Variants in UNC13C observed in about 807,000 individuals in gnomAD.
UNC13C encodes the protein protein unc-13 homolog C.
UNC13C carries 174 observed loss-of-function variants against 245.4 expected under a neutral mutation model. That is an observed-to-expected ratio of 0.71 (90% CI 0.63 to 0.80). UNC13C has a LOEUF of 0.80. Ranked by LOEUF, UNC13C falls within the 30% of genes least tolerant of loss-of-function variation. The pLI is 0.00. For synonymous variants in UNC13C, 992 were observed against 895.1 expected, an observed-to-expected ratio of 1.11 and a Z score of -1.93; for missense variants, 2,829 against 2,602.9, an observed-to-expected ratio of 1.09 and a Z score of -1.89.
At chr15:54,212,774 G>A (rs1160234233) in intron 4 of UNC13C, among the ~76,000 whole-genome samples, 2 of 152,060 alleles carry the variant, frequency 1.3e-5, no homozygotes, top group African/African-American at 4.8e-5. Context: ...AACATAGATG[G>A]ATATGTCCTC....
intron 19 of UNC13C, chr15:54,417,019 G>T: frequency 4.4e-6 from 2 of 455,404 alleles, no homozygotes; most frequent in South Asian, 1.6e-5. Flanking sequence ...TTCCCTCACC[G>T]CATTATCTGT....
At chr15:54,336,874 T>C (rs181227252) in intron 16 of UNC13C, among the ~76,000 whole-genome samples, 13 of 152,292 alleles carry the variant, frequency 8.5e-5, no homozygotes, top group Admixed American at 4.6e-4. Flanking sequence ...TGTGACCTTA[T>C]AGCAAATCAT....
chr15:54,256,620 G>T (rs1278816237), intron 8 of UNC13C, among the ~76,000 whole-genome samples: 1 of 152,078 alleles, frequency 6.6e-6, no homozygotes, highest in Non-Finnish European at 1.5e-5. Context: ...TCACCCCATA[G>T]TCACTTAGTA....
chr15:54,134,146 GGT>G, intron 2 of UNC13C, among the ~76,000 whole-genome samples: 1 of 150,534 alleles, frequency 6.6e-6, no homozygotes, highest in South Asian at 2.1e-4. Context: ...TAGTTGTCAT[GGT>G]GTGTATTAGA....
At chr15:54,473,735 G>T (rs1596445287) in intron 19 of UNC13C, among the ~76,000 whole-genome samples, 3 of 150,094 alleles carry the variant, frequency 2.0e-5, no homozygotes, top group African/African-American at 7.3e-5. Context: ...TCTTTTTTTA[G>T]TTTTTTTTTA....
chr15:54,557,597 C>CTA (rs1897141491), intron 29 of UNC13C, among the ~76,000 whole-genome samples: 1 of 151,596 alleles, frequency 6.6e-6, no homozygotes, highest in Admixed American at 6.6e-5. Flanking sequence ...CAAAGGAGCA[C>CTA]TATAATGCAA....
chr15:54,082,109 G>A (rs1455044808), intron 2 of UNC13C, among the ~76,000 whole-genome samples: 1 of 152,210 alleles, frequency 6.6e-6, no homozygotes, highest in African/African-American at 2.4e-5. Flanking sequence ...GCTAAAAGTA[G>A]GCCCCTAATT....
chr15:54,306,262 G>A (rs1264758235), intron 13 of UNC13C, among the ~76,000 whole-genome samples: 11 of 152,042 alleles, frequency 7.2e-5, no homozygotes, highest in Admixed American at 1.3e-4. Flanking sequence ...TGGAGCATGC[G>A]TCAGTAGGAG....
chr15:54,195,914 T>G (rs564199161), intron 4 of UNC13C, among the ~76,000 whole-genome samples: 12 of 152,226 alleles, frequency 7.9e-5, no homozygotes, highest in Non-Finnish European at 1.3e-4. Context: ...CCAGCTTACT[T>G]TACCACAACT....
chr15:54,234,920 A>G (rs2035649337), intron 4 of UNC13C, 110 bp from the exon 5 acceptor site: 7 of 907,074 alleles, frequency 7.7e-6, no homozygotes, highest in Middle Eastern at 4.5e-4. Flanking sequence ...TTTGAAAACT[A>G]TGGTATCCAG....
At chr15:54,471,294 C>G (rs1386689062) in intron 19 of UNC13C, among the ~76,000 whole-genome samples, 2 of 151,570 alleles carry the variant, frequency 1.3e-5, no homozygotes. Context: ...AAGTAGGATA[C>G]TGAAATTCCC....
chr15:54,534,998 A>T (rs1895927405), intron 26 of UNC13C, among the ~76,000 whole-genome samples: 1 of 152,166 alleles, frequency 6.6e-6, no homozygotes, highest in Non-Finnish European at 1.5e-5. Flanking sequence ...GTAACTACAC[A>T]ATCAAGTCTG....
chr15:54,258,504 C>T (rs2036339100), intron 8 of UNC13C, among the ~76,000 whole-genome samples: 1 of 152,084 alleles, frequency 6.6e-6, no homozygotes, highest in African/African-American at 2.4e-5. Context: ...GCTGGGACTA[C>T]AGATGTGCAC....
At position 54,333,871 on chromosome 15, in the gene UNC13C, T is replaced by C. The variant is rs1454275600; in HGVS notation, c.4584+15T>C. ...TTAGGATGAAGGTATCTCATTTTATTTCTGTCACTGTTTTGTTGTGACATA... is the reference window on the plus strand; with the variant it reads ...TTAGGATGAAGGTATCTCATTTTATCTCTGTCACTGTTTTGTTGTGACATA... On this transcript the variant is annotated intron_variant, in intron 16 of 32. Coordinates refer to ENST00000260323, the MANE Select transcript of UNC13C (RefSeq NM_001080534.3). The C allele has an allele frequency of 7.0e-6, 11 of 1,566,244 alleles. No homozygotes were observed. Among genetic ancestry groups the C allele is most frequent in the African/African-American group, 4.0e-5 (3 of 74,148 alleles).
chr15:54,262,422 C>T (rs1037085191), intron 8 of UNC13C, among the ~76,000 whole-genome samples: 3 of 152,302 alleles, frequency 2.0e-5, no homozygotes, highest in African/African-American at 7.2e-5. Context: ...TTTCCAGTCA[C>T]CACTGTCCTT....
chr15:54,197,985 A>G (rs1419855041), intron 4 of UNC13C, among the ~76,000 whole-genome samples: 2 of 152,082 alleles, frequency 1.3e-5, no homozygotes, highest in East Asian at 1.9e-4. Context: ...GAGGGGTATG[A>G]TGGGAGTGAG....
chr15:54,189,905 G>C (rs982472373), intron 4 of UNC13C, among the ~76,000 whole-genome samples: 1 of 152,032 alleles, frequency 6.6e-6, no homozygotes, highest in Non-Finnish European at 1.5e-5. Context: ...TAAAAAAATA[G>C]AAGTGATTTA....
intron 2 of UNC13C, among the ~76,000 whole-genome samples, chr15:54,040,357 C>T (rs1307371654): frequency 6.6e-6 from 1 of 152,130 alleles, no homozygotes; most frequent in African/African-American, 2.4e-5. Context: ...GACCTTGCTA[C>T]TTAAGGTGTG....
chr15:54,272,799 G>T (rs540066323), intron 10 of UNC13C, among the ~76,000 whole-genome samples: 1 of 152,120 alleles, frequency 6.6e-6, no homozygotes, highest in Non-Finnish European at 1.5e-5. Flanking sequence ...GAATCTAAGG[G>T]TTTTATAATA....
Sources: allele counts gnomAD v4.1 joint callset (sites outside exome capture counted in the v4.1 genomes callset), GRCh38; gene constraint gnomAD v4.1.1; transcripts MANE v1.5; gene names NCBI Gene and HGNC (gene_info 2026-07-23, HGNC 2026-07-21).